The following PRMT3 variants were observed in gnomAD, a reference collection of about 807,000 sequenced individuals.
The protein encoded by PRMT3 is protein arginine methyltransferase 3, also known as protein arginine N-methyltransferase 3.
Under a neutral mutation model 71.9 loss-of-function variants are expected in PRMT3, and 62 were observed. The observed-to-expected ratio is 0.86, with a 90% CI of 0.70 to 1.07. PRMT3 has a LOEUF of 1.07. Ranked by LOEUF, PRMT3 falls within the 50% of genes least tolerant of loss-of-function variation. The pLI, the probability that PRMT3 is intolerant of heterozygous loss-of-function variation, is 0.00. For synonymous variants in PRMT3, 213 were observed against 220.4 expected, an observed-to-expected ratio of 0.97 and a Z score of 0.30; for missense variants, 663 against 643.0, an observed-to-expected ratio of 1.03 and a Z score of -0.34.
intron 9 of PRMT3, among the ~76,000 whole-genome samples, chr11:20,424,695 A>G (rs1016422117): frequency 6.6e-6 from 1 of 152,230 alleles, no homozygotes; most frequent in East Asian, 1.9e-4. Flanking sequence ...AAAGTTAAAA[A>G]CTTTAGCTAT....
intron 11 of PRMT3, among the ~76,000 whole-genome samples, chr11:20,456,249 A>T (rs1850265286): frequency 6.6e-6 from 1 of 152,250 alleles, no homozygotes; most frequent in African/African-American, 2.4e-5. Flanking sequence ...AAGGAAATAC[A>T]GATGACTCTT....
intron 11 of PRMT3, among the ~76,000 whole-genome samples, chr11:20,456,189 G>A (rs1006499532): frequency 3.9e-5 from 6 of 152,034 alleles, no homozygotes; most frequent in Admixed American, 1.3e-4. Context: ...ATAAATAGAC[G>A]ACAAACCCAA....
At chr11:20,398,526 C>T (rs1198827442) in intron 7 of PRMT3, among the ~76,000 whole-genome samples, 2 of 152,104 alleles carry the variant, frequency 1.3e-5, no homozygotes, top group African/African-American at 4.8e-5. Context: ...GATCTCGGCT[C>T]ACTGCAAGCT....
chr11:20,402,202 C>T (rs917178787), intron 7 of PRMT3, among the ~76,000 whole-genome samples: 2 of 152,096 alleles, frequency 1.3e-5, no homozygotes, highest in African/African-American at 4.8e-5. Context: ...TCACCGCAAC[C>T]TCCGCCTCCC....
chr11:20,505,796 G>A (rs1851577199), intron 15 of PRMT3, among the ~76,000 whole-genome samples: 1 of 150,012 alleles, frequency 6.7e-6, no homozygotes, highest in Admixed American at 6.7e-5. Context: ...TTGTTCATTA[G>A]TTATTATAGA....
chr11:20,402,752 A>G (rs1170791288), intron 7 of PRMT3, among the ~76,000 whole-genome samples, 167 bp from the exon 8 acceptor site: 1 of 152,150 alleles, frequency 6.6e-6, no homozygotes, highest in Non-Finnish European at 1.5e-5. Flanking sequence ...TGTTGTTGCT[A>G]TTTCTATTCT....
At chr11:20,427,584 G>A (rs975302573) in intron 10 of PRMT3, among the ~76,000 whole-genome samples, 12 of 152,062 alleles carry the variant, frequency 7.9e-5, no homozygotes, top group African/African-American at 2.9e-4. Context: ...GATTAGCTGG[G>A]CGTAGTGGCA....
chr11:20,452,434 A>G (rs1850171174), intron 11 of PRMT3, among the ~76,000 whole-genome samples: 1 of 152,216 alleles, frequency 6.6e-6, no homozygotes, highest in Admixed American at 6.5e-5. Context: ...GAATGCTTTT[A>G]TTAAAAGGTC....
At chr11:20,388,999 G>A (rs1366364484) in intron 2 of PRMT3, among the ~76,000 whole-genome samples, 1 of 152,200 alleles carries the variant, frequency 6.6e-6, no homozygotes, top group African/African-American at 2.4e-5. Context: ...TAGAATGCCT[G>A]TATATATTCT....
chr11:20,402,894 C>T lies in PRMT3; in HGVS notation c.706-25C>T, dbSNP rs1306248609. ...ATTTGTTTAGACTGTCCTATAAACA[C>T]AGCGTTTTCCTCTCTCCACCCTAGG... On this transcript the variant is annotated intron_variant, in intron 7 of 15. Coordinates refer to ENST00000331079, the MANE Select transcript of PRMT3 (RefSeq NM_005788.4). The T allele has an allele frequency of 5.7e-6, 9 of 1,573,260 alleles. No individual in the cohort carries two copies. The Admixed American group carries it at 8.4e-5, about 15-fold the overall frequency.
intron 2 of PRMT3, among the ~76,000 whole-genome samples, chr11:20,389,175 TTAAG>T (rs1392437048): frequency 3.9e-5 from 6 of 152,222 alleles, no homozygotes; most frequent in Middle Eastern, 3.2e-3. Context: ...ATTCCTGTCT[TTAAG>T]TAGCCTTCAG....
chr11:20,477,290 T>A (rs1451486643), intron 13 of PRMT3, among the ~76,000 whole-genome samples: 4 of 151,976 alleles, frequency 2.6e-5, no homozygotes, highest in Admixed American at 6.6e-5. Flanking sequence ...TTAAAGTGAG[T>A]CTTGGCCGGG....
In PRMT3 at chr11:20,452,085, G is replaced by A. The variant is rs186610581; in HGVS notation, c.994-45G>A. The A allele has an allele frequency of 3.3e-4, 456 of 1,368,642 alleles. 2 individuals are homozygous for A. The East Asian group carries it at 5.2e-3, about 16-fold the overall frequency. The allele number at this position is 1,368,642 out of a possible 1,614,324, so 84.8% of individuals were successfully genotyped here. ...TGTTTAAATTGACCTGCTTATGAGA[G>A]TATTGCACATTTCTAAACTCTTTTT... On this transcript the variant is annotated intron_variant, in intron 10 of 15. Coordinates refer to ENST00000331079, the MANE Select transcript of PRMT3 (RefSeq NM_005788.4).
intron 13 of PRMT3, among the ~76,000 whole-genome samples, chr11:20,485,577 C>T (rs939417147): frequency 2.0e-5 from 3 of 151,980 alleles, no homozygotes; most frequent in Non-Finnish European, 4.4e-5. Flanking sequence ...AGCAGATCTT[C>T]ATGTATTAGT....
chr11:20,444,002 A>T (rs1177830217), intron 10 of PRMT3, among the ~76,000 whole-genome samples: 1 of 152,170 alleles, frequency 6.6e-6, no homozygotes, highest in Non-Finnish European at 1.5e-5. Flanking sequence ...GGGACCTAAT[A>T]AGTAGCCGTT....
chr11:20,505,308 A>C (rs1050453844), intron 15 of PRMT3, among the ~76,000 whole-genome samples: 33 of 152,004 alleles, frequency 2.2e-4, no homozygotes, highest in South Asian at 2.1e-4. Flanking sequence ...TAGAATACTT[A>C]CTTTATGTTG....
At chr11:20,508,037 C>T (rs953949491) in intron 15 of PRMT3, among the ~76,000 whole-genome samples, 29 of 150,914 alleles carry the variant, frequency 1.9e-4, no homozygotes, top group African/African-American at 6.6e-4. Flanking sequence ...ACCCAGGAGG[C>T]GGAGGTTGCA....
chr11:20,396,576 T>G (rs969201611), intron 6 of PRMT3, among the ~76,000 whole-genome samples: 1 of 151,922 alleles, frequency 6.6e-6, no homozygotes, highest in Non-Finnish European at 1.5e-5. Flanking sequence ...AAGGGGAGGT[T>G]GCAGTGAGCT....
chr11:20,397,794 G>T, intron 7 of PRMT3, 73 bp downstream of exon 7: 1 of 1,512,432 alleles, frequency 6.6e-7, no homozygotes, highest in East Asian at 2.4e-5. Flanking sequence ...TAATATATGT[G>T]TGCACTATAG....
Sources: gnomAD v4.1 joint callset for allele counts (sites outside exome capture counted in the v4.1 genomes callset) on GRCh38, gnomAD v4.1.1 for gene constraint, MANE v1.5 for transcripts, NCBI Gene and HGNC (gene_info 2026-07-23, HGNC 2026-07-21) for gene names.